The following LRRTM4 variants were observed in gnomAD, a reference collection of about 807,000 sequenced individuals.
LRRTM4 encodes leucine-rich repeat transmembrane neuronal protein 4.
In LRRTM4, 25 loss-of-function variants were observed where a neutral mutation model predicts 47.6. That is an observed-to-expected ratio of 0.53 (90% CI 0.38 to 0.73). The LOEUF (loss-of-function observed/expected upper bound fraction) is 0.73, where lower values mean the gene tolerates loss of function less well. Ranked by LOEUF, LRRTM4 falls within the 30% of genes least tolerant of loss-of-function variation. The pLI is 0.00. For missense variants in LRRTM4, 638 were observed against 713.4 expected (o/e 0.89, Z 1.20); for synonymous variants, 311 against 269.5 (o/e 1.15, Z -1.51).
At chr2:77,319,888 G>A (rs143226454) in intron 3 of LRRTM4, among the ~76,000 whole-genome samples, 2 of 152,302 alleles carry the variant, frequency 1.3e-5, no homozygotes, top group African/African-American at 4.8e-5. Flanking sequence ...GTCTAGGCTT[G>A]TATATTTGGA....
chr2:77,512,978 A>T (rs1558777661), intron 3 of LRRTM4, among the ~76,000 whole-genome samples: 1 of 152,154 alleles, frequency 6.6e-6, no homozygotes, highest in African/African-American at 2.4e-5. Context: ...GTCACTCTTC[A>T]CCACTACCAT....
chr2:77,466,841 G>A (rs1677000361), intron 3 of LRRTM4, among the ~76,000 whole-genome samples: 1 of 151,848 alleles, frequency 6.6e-6, no homozygotes, highest in South Asian at 2.1e-4. Context: ...TGGGACTACA[G>A]GTGCCTGCCA....
intron 3 of LRRTM4, among the ~76,000 whole-genome samples, chr2:77,223,042 G>C (rs927283927): frequency 6.6e-6 from 1 of 152,062 alleles, no homozygotes; most frequent in African/African-American, 2.4e-5. Context: ...GGGATGCAAG[G>C]CTGGTTCAAC....
intron 3 of LRRTM4, among the ~76,000 whole-genome samples, chr2:76,771,920 G>A (rs528212476): frequency 2.0e-5 from 3 of 152,108 alleles, no homozygotes; most frequent in South Asian, 2.1e-4. Context: ...GCAGTCCAGC[G>A]TTTCTCTTAT....
At chr2:77,513,860 C>T (rs1235237688) in intron 3 of LRRTM4, among the ~76,000 whole-genome samples, 1 of 152,074 alleles carries the variant, frequency 6.6e-6, no homozygotes, top group Admixed American at 6.6e-5. Flanking sequence ...GCCACTGCAC[C>T]TGACGATACT....
intron 3 of LRRTM4, among the ~76,000 whole-genome samples, chr2:77,088,664 G>C (rs1424360821): frequency 2.0e-5 from 3 of 152,150 alleles, no homozygotes; most frequent in African/African-American, 4.8e-5. Context: ...TCTTCACACG[G>C]ACGCGCATGA....
intron 3 of LRRTM4, among the ~76,000 whole-genome samples, chr2:77,232,434 G>A (rs1459252389): frequency 1.3e-5 from 2 of 152,154 alleles, no homozygotes; most frequent in Non-Finnish European, 2.9e-5. Context: ...CCAGGCAAGC[G>A]CTACAGAGCA....
chr2:76,935,616 G>A (rs1231111048), intron 3 of LRRTM4, among the ~76,000 whole-genome samples: 12 of 152,118 alleles, frequency 7.9e-5, no homozygotes, highest in African/African-American at 2.4e-4. Context: ...AGTAGCAATT[G>A]TGAATGAGAG....
At position 77,487,715 on chromosome 2, in the gene LRRTM4, G is replaced by C. The variant is rs531009283; in HGVS notation, c.1551+30603C>G. 2.6e-5 allele frequency among the ~76,000 whole-genome samples: 4 copies of C among 152,274 alleles called. No homozygotes were observed. In the South Asian group the frequency reaches 8.3e-4, roughly 32 times the overall value. On this transcript the variant is annotated intron_variant, in intron 3 of 3. Transcript: ENST00000409884. ...CCAAAGGCCTGAAGTCTGGGGACCAGGCTGCCAGTTCCCCGGAAATGGAGT... is the reference window on the plus strand; with the variant it reads ...CCAAAGGCCTGAAGTCTGGGGACCACGCTGCCAGTTCCCCGGAAATGGAGT...
At chr2:77,309,688 TAG>T (rs1491214128) in intron 3 of LRRTM4, among the ~76,000 whole-genome samples, 1 of 54,482 alleles carries the variant, frequency 1.8e-5, no homozygotes, top group Non-Finnish European at 3.9e-5. Context: ...AGATGATAGA[TAG>T]ATAGATAGAT....
intron 3 of LRRTM4, among the ~76,000 whole-genome samples, chr2:77,075,690 C>A (rs559449250): frequency 6.6e-6 from 1 of 151,422 alleles, no homozygotes; most frequent in Non-Finnish European, 1.5e-5. Flanking sequence ...CCGAGGCGGG[C>A]AGATCACGAG....
intron 3 of LRRTM4, among the ~76,000 whole-genome samples, chr2:77,140,631 T>C (rs1242333192): frequency 4.6e-5 from 7 of 152,146 alleles, no homozygotes; most frequent in Non-Finnish European, 1.0e-4. Flanking sequence ...AAATGGGATC[T>C]AATTAAACTA....
intron 3 of LRRTM4, among the ~76,000 whole-genome samples, chr2:77,034,100 A>G (rs1678756585): frequency 6.6e-6 from 1 of 151,774 alleles, no homozygotes; most frequent in Admixed American, 6.6e-5. Context: ...TAATCTTAAA[A>G]TAGCATATAA....
At chr2:77,145,459 T>TG (rs1459130191) in intron 3 of LRRTM4, among the ~76,000 whole-genome samples, 1 of 152,040 alleles carries the variant, frequency 6.6e-6, no homozygotes, top group Non-Finnish European at 1.5e-5. Context: ...TTCTAGTCAT[T>TG]GGAGTTTTTC....
intron 3 of LRRTM4, among the ~76,000 whole-genome samples, chr2:77,477,345 G>T (rs950225461): frequency 6.6e-6 from 1 of 152,104 alleles, no homozygotes. Flanking sequence ...ATACTCTCAT[G>T]CTGGCTAAAG....
chr2:77,030,420 G>A (rs550505769), intron 3 of LRRTM4, among the ~76,000 whole-genome samples: 10 of 152,262 alleles, frequency 6.6e-5, no homozygotes, highest in South Asian at 2.1e-4. Context: ...GTTACAGAGC[G>A]AGGCTCCAAC....
intron 3 of LRRTM4, among the ~76,000 whole-genome samples, chr2:76,778,970 T>A (rs1674191544): frequency 6.7e-6 from 1 of 149,656 alleles, no homozygotes; most frequent in Admixed American, 6.7e-5. Context: ...GTCTTTGTTT[T>A]CGTTGGTTTC....
chr2:77,182,556 A>C (rs1673379143), intron 3 of LRRTM4, among the ~76,000 whole-genome samples: 1 of 152,192 alleles, frequency 6.6e-6, no homozygotes. Context: ...TAAAATTAAA[A>C]AAAACATAAT....
intron 3 of LRRTM4, among the ~76,000 whole-genome samples, chr2:77,393,567 A>C (rs1454559087): frequency 6.6e-6 from 1 of 152,022 alleles, no homozygotes; most frequent in African/African-American, 2.4e-5. Context: ...TAAAGAGCTT[A>C]TGTTTTATCC....
Sources: allele counts gnomAD v4.1 joint callset (sites outside exome capture counted in the v4.1 genomes callset), GRCh38; gene constraint gnomAD v4.1.1; transcripts MANE v1.5; gene names NCBI Gene and HGNC (gene_info 2026-07-23, HGNC 2026-07-21).